Variants in COPS3 observed in about 807,000 individuals in gnomAD.
The protein encoded by COPS3 is COP9 signalosome complex subunit 3.
Under a neutral mutation model 58.2 loss-of-function variants are expected in COPS3, and 10 were observed. The ratio of observed to expected loss-of-function variants is 0.17; its 90% confidence interval spans 0.11 to 0.29. The LOEUF (loss-of-function observed/expected upper bound fraction) is 0.29, where lower values mean the gene tolerates loss of function less well. COPS3 is among the 10% of genes least tolerant of loss of function. COPS3 has a pLI of 1.00. For synonymous variants in COPS3, 187 were observed against 181.7 expected (o/e 1.03, Z -0.24); for missense variants, 333 against 510.1 (o/e 0.65, Z 3.34).
chr17:17,248,011 GAC>G (rs1427742540), intron 10 of COPS3: 1 of 155,568 alleles, frequency 6.4e-6, no homozygotes, highest in Non-Finnish European at 1.4e-5. Flanking sequence ...GCCCTCAGGA[GAC>G]ACAGAGGTGA....
chr17:17,260,661 AG>A, intron 7 of COPS3, 187 bp from the exon 8 acceptor site: 1 of 486,540 alleles, frequency 2.1e-6, no homozygotes, highest in Non-Finnish European at 3.7e-6. Flanking sequence ...AAATTAACTG[AG>A]CGTGATAGCA....
chr17:17,252,683 G>C (rs1005558068), intron 9 of COPS3, among the ~76,000 whole-genome samples: 1 of 152,198 alleles, frequency 6.6e-6, no homozygotes, highest in African/African-American at 2.4e-5. Context: ...ACCCCGCAAC[G>C]CGTTGCTAGC....
intron 1 of COPS3, chr17:17,280,924 G>C (rs956600189): frequency 1.1e-6 from 1 of 877,480 alleles, no homozygotes; most frequent in African/African-American, 1.7e-5. Flanking sequence ...AGGGGAGGCC[G>C]GCCGGCGAGG....
chr17:17,270,783 G>A lies in COPS3; in HGVS notation c.323C>T (p.Thr108Ile). Residue 108 changes from threonine to isoleucine, a missense_variant, in exon 4 of 12, where the codon ACA becomes ATA. Coordinates refer to ENST00000268717, the MANE Select transcript of COPS3 (RefSeq NM_003653.4). ...CTGTTTTCTTTCCACAAGTGCATTT[G>A]TTAGCTGATGGCAAAGCCCAGCAAC... Reference protein sequence around the residue: ...DTFAGLCHQLTNALVERKQPL... With the variant: ...DTFAGLCHQLINALVERKQPL... The A allele has an allele frequency of 6.3e-7, 1 of 1,598,000 alleles. No homozygotes were observed. The highest frequency in any genetic ancestry group is 8.5e-7 in the Non-Finnish European group (1 of 1,170,722).
intron 1 of COPS3, chr17:17,280,810 G>T (rs1013533694): frequency 1.6e-6 from 2 of 1,238,464 alleles, no homozygotes; most frequent in Non-Finnish European, 1.0e-6. Flanking sequence ...ACCAATAGTC[G>T]CCCGAGATGG....
intron 8 of COPS3, among the ~76,000 whole-genome samples, chr17:17,259,599 A>G (rs879805209): frequency 2.4e-4 from 36 of 152,336 alleles, no homozygotes; most frequent in African/African-American, 8.4e-4. Flanking sequence ...ATGTTCACAT[A>G]AGGTGTTCTC....
At chr17:17,274,100 T>C (rs2048408982) in intron 2 of COPS3, among the ~76,000 whole-genome samples, 1 of 152,160 alleles carries the variant, frequency 6.6e-6, no homozygotes, top group African/African-American at 2.4e-5. Flanking sequence ...CATGAATGCA[T>C]TTTGAAGGTA....
intron 5 of COPS3, 56 bp from the exon 6 acceptor site, chr17:17,265,037 C>T (rs1256028866): frequency 1.6e-5 from 24 of 1,467,986 alleles, no homozygotes; most frequent in Non-Finnish European, 2.2e-5. Flanking sequence ...CAGGTATTAG[C>T]AGAAGGAGAA....
At chr17:17,247,328 GA>G in intron 11 of COPS3, 151 bp downstream of exon 11, 1 of 924,100 alleles carries the variant, frequency 1.1e-6, no homozygotes, top group Non-Finnish European at 1.7e-6. Context: ...GCCATCATTT[GA>G]AAATGCTCTC....
chr17:17,249,056 A>G lies in COPS3; in HGVS notation c.1024-17T>C, dbSNP rs2047783763. 1 of 1,486,754 alleles carries G rather than the reference A, an allele frequency of 6.7e-7. No individual in the cohort carries two copies. Among genetic ancestry groups the G allele is most frequent in the Non-Finnish European group, 9.2e-7 (1 of 1,082,836 alleles). The allele number at this position is 1,486,754 out of a possible 1,614,324, so 92.1% of individuals were successfully genotyped here. A position where few individuals can be genotyped will look rare whatever the true frequency, so the allele number is the denominator to read the frequency against. ...ATCTTCTATCTGCAGAAAGAAAAAA[A>G]AAAAAATCAGGAAAGCAGTTTAGAC... is the stretch of plus-strand genomic sequence containing the variant. On this transcript the variant is annotated splice_polypyrimidine_tract_variant and intron_variant, in intron 9 of 11. Transcript: ENST00000268717.
intron 5 of COPS3, 97 bp from the exon 6 acceptor site, chr17:17,265,078 T>TG (rs1262979551): frequency 9.3e-7 from 1 of 1,076,454 alleles, no homozygotes. Context: ...TTCCAAATAA[T>TG]GTAATTGTGT....
rs1567867590 is a variant in COPS3, at chr17:17,281,122, A to AG, written c.55+9dup. ...CCGCCCATGCCCAGCCCGGCGGCCT[A>AG]GGGCGTTACCTTGAGCTGAGAGCTG... is the stretch of plus-strand genomic sequence containing the variant. On this transcript the variant is annotated intron_variant, in intron 1 of 11. Coordinates refer to ENST00000268717, the MANE Select transcript of COPS3 (RefSeq NM_003653.4). 1 of 1,607,858 alleles carries AG rather than the reference A, an allele frequency of 6.2e-7. No individual in the cohort carries two copies. The highest frequency in any genetic ancestry group is 8.5e-7 in the Non-Finnish European group (1 of 1,177,422).
chr17:17,265,681 G>T (rs771332810), intron 5 of COPS3, among the ~76,000 whole-genome samples: 2 of 152,158 alleles, frequency 1.3e-5, no homozygotes, highest in Non-Finnish European at 2.9e-5. Flanking sequence ...TTACAGGCGT[G>T]AGCCACCTCA....
chr17:17,272,364 A>C (rs1181717132), intron 2 of COPS3, among the ~76,000 whole-genome samples: 1 of 152,142 alleles, frequency 6.6e-6, no homozygotes, highest in Non-Finnish European at 1.5e-5. Context: ...CAGAGTTTGC[A>C]GTGAGCTGAG....
chr17:17,280,618 C>G, intron 1 of COPS3: 1 of 1,302,940 alleles, frequency 7.7e-7, no homozygotes, highest in South Asian at 1.2e-5. Context: ...AATAGGCGCA[C>G]AGGTTCCCGA....
chr17:17,254,957 A>C lies in COPS3; in HGVS notation c.937-12T>G, dbSNP rs770349717. On this transcript the variant is annotated splice_polypyrimidine_tract_variant and intron_variant, in intron 8 of 11. Transcript: ENST00000268717. ...AGAGTTAAAAAGGTCTGAAAGTCAGAAGCAGAATTAGTCACAGGTAGGAAC... is the reference window on the plus strand; with the variant it reads ...AGAGTTAAAAAGGTCTGAAAGTCAGCAGCAGAATTAGTCACAGGTAGGAAC... 1 of 1,590,296 alleles carries C rather than the reference A, an allele frequency of 6.3e-7. No homozygotes were observed. The highest frequency in any genetic ancestry group is 8.6e-7 in the Non-Finnish European group (1 of 1,159,420).
At chr17:17,256,608 CT>C (rs113503910) in intron 8 of COPS3, among the ~76,000 whole-genome samples, 11 of 148,254 alleles carry the variant, frequency 7.4e-5, no homozygotes, top group South Asian at 2.1e-4. Flanking sequence ...TTGAAAATTC[CT>C]TTTTTTTTTG....
At chr17:17,268,937 C>T (rs544161104) in intron 4 of COPS3, among the ~76,000 whole-genome samples, 3 of 152,312 alleles carry the variant, frequency 2.0e-5, no homozygotes, top group East Asian at 1.9e-4. Context: ...TTAACCATCT[C>T]TTTCAAACAT....
chr17:17,251,914 A>G (rs1405523690), intron 9 of COPS3, among the ~76,000 whole-genome samples: 1 of 152,020 alleles, frequency 6.6e-6, no homozygotes, highest in Non-Finnish European at 1.5e-5. Flanking sequence ...CTAAAAATAC[A>G]AAAAATTAGC....
Sources: gnomAD v4.1 joint callset for allele counts (sites outside exome capture counted in the v4.1 genomes callset) on GRCh38, gnomAD v4.1.1 for gene constraint, MANE v1.5 for transcripts, NCBI Gene and HGNC (gene_info 2026-07-23, HGNC 2026-07-21) for gene names.